Variants in CIMIP3 observed in about 807,000 individuals in gnomAD.
CIMIP3 encodes GUCA1A neighbor.
At chr6:42,158,376 C>G in the CIMIP3 span, among the ~76,000 whole-genome samples, 5 of 152,186 alleles carry the variant, frequency 3.3e-5, no homozygotes, top group Non-Finnish European at 2.9e-5. Context: ...ACCTCTTCCC[C>G]TAGACTGTCT....
At chr6:42,156,575 G>C in the CIMIP3 span, among the ~76,000 whole-genome samples, 4 of 152,142 alleles carry the variant, frequency 2.6e-5, no homozygotes, top group Non-Finnish European at 5.9e-5. Flanking sequence ...TCCCCCAAAG[G>C]GAAACGTGCT....
the CIMIP3 span, chr6:42,155,712 C>T: frequency 1.4e-6 from 1 of 698,710 alleles, no homozygotes; most frequent in Non-Finnish European, 2.7e-6. Context: ...GGGAACAGGA[C>T]ACCCTCCATC....
chr6:42,155,555 C>T, the CIMIP3 span: 1 of 717,434 alleles, frequency 1.4e-6, no homozygotes, highest in East Asian at 2.7e-5. Context: ...CAGGAAAGAG[C>T]ATGAAAGCCC....
At chr6:42,155,567 A>G in the CIMIP3 span, 1 of 717,498 alleles carries the variant, frequency 1.4e-6, no homozygotes, top group East Asian at 2.7e-5. Context: ...TGAAAGCCCC[A>G]GCCAGCCTCA....
the CIMIP3 span, among the ~76,000 whole-genome samples, chr6:42,161,440 C>T: frequency 1.3e-5 from 2 of 152,284 alleles, no homozygotes; most frequent in East Asian, 1.9e-4. Context: ...ACAGATGCTT[C>T]ATCCTTTGGT....
chr6:42,155,447 C>T, the CIMIP3 span: 266 of 678,752 alleles, frequency 3.9e-4, 1 homozygote, highest in African/African-American at 4.3e-3. Flanking sequence ...AGAAGTTCCA[C>T]CTCACCATCA....
the CIMIP3 span, chr6:42,162,851 GC>G: frequency 3.4e-6 from 2 of 586,034 alleles, no homozygotes; most frequent in South Asian, 4.3e-5. Context: ...CCTCCCTTCT[GC>G]CCCTGGCATA....
chr6:42,163,004 C>A, the CIMIP3 span: 1 of 716,586 alleles, frequency 1.4e-6, no homozygotes, highest in African/African-American at 1.7e-5. Flanking sequence ...GTCCCGGCCC[C>A]GGGCGTGGAA....
chr6:42,156,626 G>A, the CIMIP3 span, among the ~76,000 whole-genome samples: 1 of 152,238 alleles, frequency 6.6e-6, no homozygotes, highest in African/African-American at 2.4e-5. Context: ...AAACCACGGT[G>A]TAACTGCCCG....
the CIMIP3 span, among the ~76,000 whole-genome samples, chr6:42,159,952 G>T: frequency 6.6e-6 from 1 of 152,096 alleles, no homozygotes. Flanking sequence ...CCACTGACAG[G>T]GTTTGGTGCG....
At chr6:42,162,174 G>A in the CIMIP3 span, among the ~76,000 whole-genome samples, 4 of 149,602 alleles carry the variant, frequency 2.7e-5, no homozygotes, top group Non-Finnish European at 5.9e-5. Flanking sequence ...AGCACTTTGG[G>A]AGGCCGAGGC....
the CIMIP3 span, among the ~76,000 whole-genome samples, chr6:42,161,767 C>G: frequency 6.6e-6 from 1 of 152,250 alleles, no homozygotes; most frequent in Non-Finnish European, 1.5e-5. Flanking sequence ...GTACCCCTTA[C>G]TAGAATTCAG....
the CIMIP3 span, chr6:42,155,433 C>T: frequency 1.5e-6 from 1 of 664,938 alleles, no homozygotes; most frequent in Non-Finnish European, 2.8e-6. Context: ...CCTCCCTGAC[C>T]ACCAGAAGTT....
chr6:42,155,785 C>A, the CIMIP3 span, among the ~76,000 whole-genome samples: 1 of 152,142 alleles, frequency 6.6e-6, no homozygotes, highest in Non-Finnish European at 1.5e-5. Context: ...CGTGTTACAC[C>A]ATCTCCAAGG....
chr6:42,155,655 C>T, the CIMIP3 span: 1 of 716,902 alleles, frequency 1.4e-6, no homozygotes, highest in Non-Finnish European at 2.6e-6. Context: ...CTGCCTTGTA[C>T]TCCCCAGCTG....
At chr6:42,162,894 C>G in the CIMIP3 span, 8 of 610,890 alleles carry the variant, frequency 1.3e-5, no homozygotes, top group Non-Finnish European at 3.0e-6. Flanking sequence ...AATGCCTCAG[C>G]TCTCCCCTTC....
the CIMIP3 span, chr6:42,155,601 C>T: frequency 1.4e-6 from 1 of 717,488 alleles, no homozygotes; most frequent in Non-Finnish European, 2.6e-6. Context: ...GAGGTAGGTC[C>T]TCTTACAAAA....
the CIMIP3 span, among the ~76,000 whole-genome samples, chr6:42,158,697 T>C: frequency 6.6e-6 from 1 of 152,182 alleles, no homozygotes; most frequent in Non-Finnish European, 1.5e-5. Context: ...ATCTGAAAAA[T>C]GGAGGCAATG....
the CIMIP3 span, among the ~76,000 whole-genome samples, chr6:42,159,172 G>A: frequency 6.6e-6 from 1 of 152,192 alleles, no homozygotes; most frequent in Non-Finnish European, 1.5e-5. Flanking sequence ...GACATTGGGC[G>A]ATGACTGGAG....
Sources: allele counts gnomAD v4.1 joint callset (sites outside exome capture counted in the v4.1 genomes callset), GRCh38; gene constraint gnomAD v4.1.1; transcripts MANE v1.5; gene names NCBI Gene and HGNC (gene_info 2026-07-23, HGNC 2026-07-21).